OSBP: variants seen among roughly 807,000 people sequenced by gnomAD.
OSBP encodes the protein oxysterol-binding protein 1.
Under a neutral mutation model 96.6 loss-of-function variants are expected in OSBP, and 32 were observed. That is an observed-to-expected ratio of 0.33 (90% CI 0.25 to 0.45). OSBP has a LOEUF of 0.45. OSBP is among the 20% of genes least tolerant of loss of function. OSBP has a pLI of 1.00. For synonymous variants in OSBP, 369 were observed against 389.6 expected, an observed-to-expected ratio of 0.95 and a Z score of 0.62; for missense variants, 653 against 1,029.7, an observed-to-expected ratio of 0.63 and a Z score of 5.01.
In OSBP at chr11:59,601,320, G is replaced by C; in HGVS notation, c.1087C>G (p.Pro363Ala). The C allele has an allele frequency of 6.2e-7, 1 of 1,612,950 alleles. No homozygotes were observed. The highest frequency in any genetic ancestry group is 1.3e-5 in the African/African-American group (1 of 74,954). ...TTTTCAGGCATGGTGATGATCTCAG[G>C]TGCATCAAAAAATTCATTCTCATCA... ...EDDENEFFDA[P>A]EIITMPENLG... is the part of the protein sequence containing the mutation. Residue 363 changes from proline (P) to alanine (A), a missense_variant, in exon 5 of 14, where the codon CCT becomes GCT. Around this residue, in one of 6 missense-constraint regions of OSBP, gnomAD observed 308 missense variants for 573.1 expected, o/e 0.54. Coordinates refer to ENST00000263847, the MANE Select transcript of OSBP (RefSeq NM_002556.3).
At chr11:59,588,504 C>A (rs962894836) in intron 9 of OSBP, among the ~76,000 whole-genome samples, 1 of 150,310 alleles carries the variant, frequency 6.7e-6, no homozygotes, top group African/African-American at 2.5e-5. Flanking sequence ...CCACTGCACT[C>A]CAGCCTAGGT....
intron 7 of OSBP, among the ~76,000 whole-genome samples, chr11:59,597,083 G>C (rs150900087): frequency 8.1e-4 from 123 of 152,134 alleles, no homozygotes; most frequent in Admixed American, 2.9e-3. Context: ...TTTTGAGATG[G>C]AGTCTCACTC....
intron 2 of OSBP, 141 bp from the exon 3 acceptor site, chr11:59,608,875 G>A (rs1860813810): frequency 5.1e-6 from 4 of 787,534 alleles, no homozygotes; most frequent in Admixed American, 4.4e-5. Flanking sequence ...TTACCAGATG[G>A]TTTCTCTATA....
chr11:59,608,371 A>G, intron 3 of OSBP, 113 bp downstream of exon 3: 2 of 1,271,702 alleles, frequency 1.6e-6, no homozygotes, highest in Non-Finnish European at 2.3e-6. Flanking sequence ...TGACCAGTGA[A>G]GCAGGCCCTA....
At chr11:59,603,451 T>C (rs1860744420) in intron 3 of OSBP, among the ~76,000 whole-genome samples, 1 of 150,920 alleles carries the variant, frequency 6.6e-6, no homozygotes, top group African/African-American at 2.4e-5. Context: ...AGATTCAGAA[T>C]AGAATATCCA....
Position 59,575,236 on chromosome 11 carries a change from C to G in OSBP, c.*1341G>C, listed in dbSNP as rs969735541. The stretch of plus-strand genomic sequence containing the variant: ...TTCCTGAAAAGAGAAAGAAAAGAGG[C>G]AGGAAAGAGGTTAGGATTTCATTTT... On this transcript the variant is annotated 3_prime_UTR_variant, in exon 14 of 14. Transcript: ENST00000263847. 6.6e-6 allele frequency: 1 copy of G among 152,172 alleles called. No individual in the cohort carries two copies. The highest frequency in any genetic ancestry group is 1.5e-5 in the Non-Finnish European group (1 of 68,062). 9.4% of individuals were successfully genotyped at this position (152,172 alleles called of 1,614,324 possible). A position where few individuals can be genotyped will look rare whatever the true frequency, so the allele number is the denominator to read the frequency against.
chr11:59,589,316 G>C (rs1860546462), intron 9 of OSBP, among the ~76,000 whole-genome samples: 1 of 148,688 alleles, frequency 6.7e-6, no homozygotes, highest in African/African-American at 2.5e-5. Flanking sequence ...GTATCTTTTT[G>C]GCCAGGCGTG....
At position 59,610,458 on chromosome 11, in the gene OSBP, G is replaced by A; in HGVS notation, c.494C>T (p.Ser165Leu). 1 of 1,614,176 alleles carries A rather than the reference G, an allele frequency of 6.2e-7. No individual in the cohort carries two copies. Among genetic ancestry groups the A allele is most frequent in the Non-Finnish European group, 8.5e-7 (1 of 1,180,020 alleles). ...CACCCAGCGCTGCCGCTCAACTTCT[G>A]AACTAGCTTTCAGATGGTAGGTCTG... ...GAQTYHLKASSEVERQRWVTA... is the reference protein window; with the variant it reads ...GAQTYHLKASLEVERQRWVTA... Residue 165 changes from serine to leucine, a missense_variant, in exon 2 of 14, where the codon TCA becomes TTA. Physicochemically the swap from Ser to Leu is moderately radical, Grantham distance 145. Transcript: ENST00000263847.
chr11:59,608,385 T>C, intron 3 of OSBP, 99 bp downstream of exon 3: 1 of 1,439,616 alleles, frequency 6.9e-7, no homozygotes, highest in Admixed American at 1.7e-5. Flanking sequence ...GGCCCTAATG[T>C]TCTGTGCTTT....
At chr11:59,591,778 G>A (rs924409555) in intron 9 of OSBP, among the ~76,000 whole-genome samples, 1 of 151,730 alleles carries the variant, frequency 6.6e-6, no homozygotes, top group Non-Finnish European at 1.5e-5. Flanking sequence ...CCACCACCAC[G>A]CCTGGCTAAT....
chr11:59,583,610 C>T (rs1178688583), intron 9 of OSBP, among the ~76,000 whole-genome samples: 4 of 150,820 alleles, frequency 2.7e-5, no homozygotes, highest in Non-Finnish European at 5.9e-5. Flanking sequence ...ATATTTGCTC[C>T]ACCTAAACAT....
At chr11:59,593,054 TC>T (rs2134662797) in intron 9 of OSBP, among the ~76,000 whole-genome samples, 1 of 152,260 alleles carries the variant, frequency 6.6e-6, no homozygotes, top group African/African-American at 2.4e-5. Flanking sequence ...TGCCCTGGCC[TC>T]CCAAAGTGCT....
At chr11:59,613,460 G>A (rs755177754) in intron 1 of OSBP, among the ~76,000 whole-genome samples, 2 of 152,166 alleles carry the variant, frequency 1.3e-5, no homozygotes, top group Admixed American at 6.5e-5. Flanking sequence ...AAGTGGATCC[G>A]GTAAGAACTT....
At chr11:59,607,552 T>C (rs1860796795) in intron 3 of OSBP, among the ~76,000 whole-genome samples, 1 of 151,874 alleles carries the variant, frequency 6.6e-6, no homozygotes, top group African/African-American at 2.4e-5. Context: ...ACTAGAGAGG[T>C]AATTTCATCC....
In OSBP at chr11:59,615,747, G is replaced by T; in HGVS notation, c.-83C>A. The T allele has an allele frequency of 1.6e-6, 2 of 1,225,004 alleles. No individual in the cohort carries two copies. Among genetic ancestry groups the T allele is most frequent in the Non-Finnish European group, 2.0e-6 (2 of 980,988 alleles). 75.9% of individuals were successfully genotyped at this position (1,225,004 alleles called of 1,614,324 possible). ...GCCCGGAGCGCCCCACACGGCTACC[G>T]CATCAGCCACCGCCGCGCAGCGTCC... On this transcript the variant is annotated 5_prime_UTR_variant, in exon 1 of 14. Coordinates refer to ENST00000263847, the MANE Select transcript of OSBP (RefSeq NM_002556.3).
chr11:59,608,794 T>C, intron 2 of OSBP, 60 bp from the exon 3 acceptor site: 2 of 1,543,350 alleles, frequency 1.3e-6, no homozygotes, highest in South Asian at 1.1e-5. Context: ...GTTGGAACCC[T>C]ACCTACTCTG....
intron 3 of OSBP, among the ~76,000 whole-genome samples, chr11:59,604,663 T>C (rs1860758474): frequency 6.6e-6 from 1 of 151,766 alleles, no homozygotes; most frequent in Admixed American, 6.6e-5. Context: ...GATTGTGCAC[T>C]GCACTCCAGC....
At chr11:59,583,502 A>G (rs1314957958) in intron 9 of OSBP, among the ~76,000 whole-genome samples, 4 of 152,104 alleles carry the variant, frequency 2.6e-5, no homozygotes, top group Non-Finnish European at 5.9e-5. Flanking sequence ...ATCAATGATA[A>G]TAACAGCCAC....
intron 1 of OSBP, among the ~76,000 whole-genome samples, chr11:59,613,803 G>C (rs1052844773): frequency 1.3e-5 from 2 of 152,150 alleles, no homozygotes; most frequent in Non-Finnish European, 2.9e-5. Flanking sequence ...GCTATCTAAG[G>C]CATTTTGCCC....
Sources: allele counts gnomAD v4.1 joint callset (sites outside exome capture counted in the v4.1 genomes callset), GRCh38; gene constraint gnomAD v4.1.1; regional missense constraint gnomAD v4.1.1; transcripts MANE v1.5; gene names NCBI Gene and HGNC (gene_info 2026-07-23, HGNC 2026-07-21).